The following TJP2 variants were observed in gnomAD, a reference collection of about 807,000 sequenced individuals.
TJP2 encodes the protein tight junction protein 2, also known as Friedreich ataxia region gene X104 (tight junction protein ZO-2).
Under a neutral mutation model 133.1 loss-of-function variants are expected in TJP2, and 91 were observed. That is an observed-to-expected ratio of 0.68 (90% CI 0.58 to 0.81). TJP2 has a LOEUF of 0.81. Ranked by LOEUF, TJP2 falls within the 40% of genes least tolerant of loss-of-function variation. The probability of loss-of-function intolerance (pLI) is 0.00; values close to 1 mark genes in which losing one functional copy is unlikely to be tolerated. For missense variants in TJP2, 1,541 were observed against 1,565.6 expected (o/e 0.98, Z 0.26); for synonymous variants, 592 against 583.4 (o/e 1.01, Z -0.21).
chr9:69,220,758 G>A, intron 4 of TJP2, 129 bp from the exon 5 acceptor site: 1 of 854,134 alleles, frequency 1.2e-6, no homozygotes, highest in South Asian at 1.5e-5. Context: ...TCCGGATGAG[G>A]AACCTGAACC....
At chr9:69,149,524 A>G (rs1327877815) in intron 1 of TJP2, among the ~76,000 whole-genome samples, 6 of 152,230 alleles carry the variant, frequency 3.9e-5, no homozygotes, top group Non-Finnish European at 7.4e-5. Flanking sequence ...TAAAACTGAC[A>G]CCATCTTTTC....
Position 69,237,085 on chromosome 9 carries a change from G to A in TJP2, c.2128G>A (p.Val710Met). Reference protein sequence around the residue: ...RKSREDLTAVVSVSTKFPAYE... With the variant: ...RKSREDLTAVMSVSTKFPAYE... ...AAGTCGGGAAGACCTCACAGCTGTT[G>A]TGTCTGTCAGCACCAAGTTCCCAGC... The change falls in exon 14 of 23, where the codon GTG becomes ATG. Residue 710 changes from valine (V) to methionine (M), a missense_variant. Transcript: ENST00000377245. 1 of 1,614,152 alleles carries A rather than the reference G, an allele frequency of 6.2e-7. No homozygotes were observed. The highest frequency in any genetic ancestry group is 1.7e-5 in the Admixed American group (1 of 60,022).
intron 1 of TJP2, among the ~76,000 whole-genome samples, chr9:69,196,946 T>TCCACACACACACACACACAC (rs796739890): frequency 7.5e-6 from 1 of 134,170 alleles, no homozygotes; most frequent in Admixed American, 7.4e-5. Flanking sequence ...TGTGTGTGTG[T>TCCACACACACACACACACAC]ACACACACAC....
intron 1 of TJP2, among the ~76,000 whole-genome samples, chr9:69,205,808 C>T (rs1467345929): frequency 2.0e-5 from 3 of 152,154 alleles, no homozygotes; most frequent in Non-Finnish European, 4.4e-5. Flanking sequence ...CACTGGGCAG[C>T]AGCAGTCTGT....
chr9:69,137,281 TTC>T (rs1822801148), intron 1 of TJP2, among the ~76,000 whole-genome samples: 1 of 111,076 alleles, frequency 9.0e-6, no homozygotes, highest in Admixed American at 9.6e-5. Context: ...TTTTCTTTCT[TTC>T]TTTCTTTCTT....
intron 1 of TJP2, among the ~76,000 whole-genome samples, chr9:69,135,476 T>C (rs1469758411): frequency 6.6e-6 from 1 of 152,188 alleles, no homozygotes; most frequent in Non-Finnish European, 1.5e-5. Flanking sequence ...AGTCTCGCTC[T>C]GTCACCCAGG....
At chr9:69,242,114 G>A (rs757446772) in intron 17 of TJP2, among the ~76,000 whole-genome samples, 3 of 152,206 alleles carry the variant, frequency 2.0e-5, no homozygotes, top group African/African-American at 4.8e-5. Flanking sequence ...GGCTGAAGGC[G>A]GCTGGACGAG....
intron 5 of TJP2, among the ~76,000 whole-genome samples, chr9:69,222,186 T>C (rs1390006893): frequency 6.6e-6 from 1 of 150,648 alleles, no homozygotes; most frequent in Non-Finnish European, 1.5e-5. Context: ...AACTTTTTTT[T>C]TTTTTTGAGA....
At chr9:69,251,002 C>T in intron 20 of TJP2, 33 bp from the exon 21 acceptor site, 5 of 1,592,044 alleles carry the variant, frequency 3.1e-6, no homozygotes, top group Admixed American at 1.7e-5. Context: ...AACTTAAAAG[C>T]CCAGGGTGAA....
Position 69,236,227 on chromosome 9 carries a change from C to T in TJP2, c.1980C>T (p.Pro660=), listed in dbSNP as rs747905090. ...IGNELEKGLI[P]NKSRAEQMAS... ...ACGAGTTGGAGAAAGGCTTAATCCC[C>T]AACAAGAGCAGGTAACAGAGATCGC... The change falls in exon 13 of 23, where the codon CCC becomes CCT. Residue 660 remains proline (P), a synonymous_variant. Transcript: ENST00000377245. 1.1e-5 allele frequency: 17 copies of T among 1,613,904 alleles called. No homozygotes were observed. The highest frequency in any genetic ancestry group is 2.2e-5 in the South Asian group (2 of 91,080).
intron 5 of TJP2, among the ~76,000 whole-genome samples, chr9:69,224,142 C>G (rs1214835350): frequency 5.9e-5 from 9 of 152,180 alleles, no homozygotes; most frequent in Admixed American, 5.2e-4. Context: ...TTTTTGATAG[C>G]AATTCAGAGT....
intron 20 of TJP2, among the ~76,000 whole-genome samples, chr9:69,250,434 A>G (rs1415156968): frequency 6.6e-6 from 1 of 152,224 alleles, no homozygotes; most frequent in Non-Finnish European, 1.5e-5. Context: ...GAAGAAAGCC[A>G]TAATTGATTG....
intron 1 of TJP2, among the ~76,000 whole-genome samples, chr9:69,192,286 A>G (rs1826253801): frequency 6.6e-6 from 1 of 151,944 alleles, no homozygotes; most frequent in Non-Finnish European, 1.5e-5. Flanking sequence ...TGTATCAAAA[A>G]AAGAAAAAAA....
chr9:69,194,548 T>G (rs1826416253), intron 1 of TJP2, among the ~76,000 whole-genome samples: 1 of 152,198 alleles, frequency 6.6e-6, no homozygotes, highest in South Asian at 2.1e-4. Context: ...ATTGCATTCT[T>G]CAGTTGCAGT....
intron 1 of TJP2, among the ~76,000 whole-genome samples, chr9:69,196,741 A>G (rs913126979): frequency 4.6e-5 from 7 of 152,166 alleles, no homozygotes; most frequent in Middle Eastern, 3.4e-3. Context: ...TCTTCACCCC[A>G]AAAGGAAACT....
chr9:69,225,315 C>T lies in TJP2; in HGVS notation c.964C>T (p.Arg322Trp), dbSNP rs759484247. 4.3e-5 allele frequency: 69 copies of T among 1,612,324 alleles called. No homozygotes were observed. The highest frequency in any genetic ancestry group is 5.5e-5 in the Non-Finnish European group (65 of 1,178,708). ...TGTTTGTCTCCTAGAGTATGGTCTC[C>T]GGCTTGGGAGTCAGATCTTCGTAAA... is the stretch of plus-strand genomic sequence containing the variant. The part of the protein sequence containing the change: ...KSRANEEYGL[R>W]LGSQIFVKEM... The change falls in exon 6 of 23, where the codon CGG becomes TGG. Residue 322 changes from arginine (R) to tryptophan (W), a missense_variant. Arg to Trp is a moderately radical substitution (Grantham distance 101). Coordinates refer to ENST00000377245, the MANE Select transcript of TJP2 (RefSeq NM_004817.4).
At chr9:69,190,843 T>C (rs1826156465) in intron 1 of TJP2, among the ~76,000 whole-genome samples, 2 of 152,220 alleles carry the variant, frequency 1.3e-5, no homozygotes, top group Non-Finnish European at 2.9e-5. Context: ...GAACTGTTCT[T>C]GCATTTTAAA....
At chr9:69,232,191 GTC>G (rs1242435521) in intron 11 of TJP2, among the ~76,000 whole-genome samples, 2 of 152,216 alleles carry the variant, frequency 1.3e-5, no homozygotes. Context: ...TTCTTTTGCT[GTC>G]ATCCCATATG....
At chr9:69,250,503 A>T (rs934070379) in intron 20 of TJP2, among the ~76,000 whole-genome samples, 1 of 152,244 alleles carries the variant, frequency 6.6e-6, no homozygotes, top group Non-Finnish European at 1.5e-5. Flanking sequence ...GTGACCTCAT[A>T]AAATACATCA....
Sources: allele counts gnomAD v4.1 joint callset (sites outside exome capture counted in the v4.1 genomes callset), GRCh38; gene constraint gnomAD v4.1.1; transcripts MANE v1.5; gene names NCBI Gene and HGNC (gene_info 2026-07-23, HGNC 2026-07-21).